Variants in ARHGAP29 observed in about 807,000 individuals in gnomAD.
ARHGAP29 encodes Rho GTPase activating protein 29, also known as rho GTPase-activating protein 29.
In ARHGAP29, 43 loss-of-function variants were observed where a neutral mutation model predicts 122.6. The observed-to-expected ratio is 0.35, with a 90% CI of 0.27 to 0.45. The LOEUF is 0.45. Ranked by LOEUF, ARHGAP29 falls within the 20% of genes least tolerant of loss-of-function variation. The pLI is 1.00. For synonymous variants in ARHGAP29, 506 were observed against 497.1 expected (o/e 1.02, Z -0.24); for missense variants, 1,303 against 1,477.2 (o/e 0.88, Z 1.93).
the ARHGAP29 span, among the ~76,000 whole-genome samples, chr1:94,295,188 T>G: frequency 2.0e-5 from 3 of 152,202 alleles, no homozygotes; most frequent in Non-Finnish European, 2.9e-5. Flanking sequence ...TTGTGTCTGG[T>G]CTACCTTCAT....
At chr1:94,178,286 A>G (rs558512756) in intron 20 of ARHGAP29, 119 bp from the exon 21 acceptor site, 4 of 914,032 alleles carry the variant, frequency 4.4e-6, no homozygotes, top group Admixed American at 2.7e-5. Flanking sequence ...ACTAGGGGGA[A>G]AAAGTCTAGG....
intron 19 of ARHGAP29, among the ~76,000 whole-genome samples, chr1:94,181,542 TG>T (rs1649461079): frequency 6.6e-6 from 1 of 152,174 alleles, no homozygotes; most frequent in African/African-American, 2.4e-5. Context: ...GACCCTTCTC[TG>T]GAGTATCAAA....
Position 94,177,843 on chromosome 1 carries a change from C to A in ARHGAP29, c.2796+9G>T. On this transcript the variant is annotated intron_variant, in intron 21 of 22. Transcript: ENST00000260526. ...AGTTCTAATATAATTCTATAAAGGT[C>A]AAACTCACTTCCTTTGAAGAAAAAA... The A allele has an allele frequency of 6.2e-7, 1 of 1,600,712 alleles. No individual in the cohort carries two copies. The highest frequency in any genetic ancestry group is 1.1e-5 in the South Asian group (1 of 88,166).
At chr1:94,188,751 C>T (rs1366170126) in intron 15 of ARHGAP29, 86 bp downstream of exon 15, 1 of 1,115,060 alleles carries the variant, frequency 9.0e-7, no homozygotes, top group Admixed American at 2.1e-5. Flanking sequence ...TGAAAGTTCA[C>T]TATAAAAACA....
chr1:94,286,539 A>G, the ARHGAP29 span, among the ~76,000 whole-genome samples: 1 of 152,072 alleles, frequency 6.6e-6, no homozygotes, highest in Admixed American at 6.6e-5. Flanking sequence ...GTGGTGATGC[A>G]CAACTGTAGT....
At chr1:94,175,331 C>T (rs960856110) in intron 22 of ARHGAP29, among the ~76,000 whole-genome samples, 3 of 152,212 alleles carry the variant, frequency 2.0e-5, no homozygotes, top group Non-Finnish European at 2.9e-5. Context: ...CACCTGCTCC[C>T]GGATTTTCTT....
At chr1:94,277,257 T>C (rs1015260361), upstream of ARHGAP29, among the ~76,000 whole-genome samples, 2 of 152,190 alleles carry the variant, frequency 1.3e-5, no homozygotes, top group African/African-American at 2.4e-5. Flanking sequence ...GAAGATCTTG[T>C]TCCTAGGAAA....
intron 1 of ARHGAP29, among the ~76,000 whole-genome samples, chr1:94,243,981 A>T (rs532973047): frequency 1.3e-5 from 2 of 152,180 alleles, no homozygotes; most frequent in East Asian, 3.9e-4. Context: ...GACACAAGAA[A>T]CAGAAAATGT....
intron 1 of ARHGAP29, among the ~76,000 whole-genome samples, chr1:94,272,958 A>C (rs2100735797): frequency 6.6e-6 from 1 of 152,330 alleles, no homozygotes; most frequent in African/African-American, 2.4e-5. Flanking sequence ...ACAGATTCTA[A>C]CTTAGCATGT....
chr1:94,298,688 T>C, the ARHGAP29 span, among the ~76,000 whole-genome samples: 4 of 152,198 alleles, frequency 2.6e-5, no homozygotes, highest in Non-Finnish European at 5.9e-5. Context: ...TTCTTATGGT[T>C]AAGGACCTAT....
chr1:94,287,490 T>A, the ARHGAP29 span, among the ~76,000 whole-genome samples: 1 of 151,982 alleles, frequency 6.6e-6, no homozygotes, highest in Non-Finnish European at 1.5e-5. Context: ...CAATTAAACC[T>A]CTTTTACTAT....
At chr1:94,184,666 G>T (rs922240058) in intron 18 of ARHGAP29, among the ~76,000 whole-genome samples, 2 of 151,814 alleles carry the variant, frequency 1.3e-5, no homozygotes, top group African/African-American at 4.8e-5. Flanking sequence ...AAGTGGGAGG[G>T]TTGCTTGAGC....
the ARHGAP29 span, among the ~76,000 whole-genome samples, chr1:94,297,740 T>C: frequency 6.6e-6 from 1 of 152,170 alleles, no homozygotes; most frequent in African/African-American, 2.4e-5. Flanking sequence ...TTGGGGGTTC[T>C]TGTTGGGAAT....
rs1334487446 is a variant in ARHGAP29 at position 94,172,495 on chromosome 1, G to A, written c.*1374C>T. 3 of 151,824 alleles carry A rather than the reference G, an allele frequency of 2.0e-5. No homozygotes were observed. The highest frequency in any genetic ancestry group is 2.1e-4 in the South Asian group (1 of 4,812). The allele number at this position is 151,824 out of a possible 1,614,324, so 9.4% of individuals were successfully genotyped here. On this transcript the variant is annotated 3_prime_UTR_variant, in exon 23 of 23. Coordinates refer to ENST00000260526, the MANE Select transcript of ARHGAP29 (RefSeq NM_004815.4). ...AAATTCATTCCACATTGTAGTCAAC[G>A]GATGTATGATCCTAGGTGTTGACTT...
chr1:94,179,612 AAAAAAAG>A, intron 20 of ARHGAP29, 106 bp downstream of exon 20: 1 of 643,176 alleles, frequency 1.6e-6, no homozygotes, highest in Non-Finnish European at 2.4e-6. Flanking sequence ...AAAAAAAAAA[AAAAAAAG>A]AATGGCTAAG....
At chr1:94,298,272 T>C in the ARHGAP29 span, among the ~76,000 whole-genome samples, 1 of 152,212 alleles carries the variant, frequency 6.6e-6, no homozygotes. Context: ...GTGCATTTAA[T>C]TTTTTTCTAT....
chr1:94,201,741 C>T lies in ARHGAP29; in HGVS notation c.1260G>A (p.Gln420=). 1 of 1,613,784 alleles carries T rather than the reference C, an allele frequency of 6.2e-7. No homozygotes were observed. Among genetic ancestry groups the T allele is most frequent in the Non-Finnish European group, 8.5e-7 (1 of 1,179,922 alleles). Reference sequence around the variant, plus strand: ...TTACAGCTTTAAGGGTAAGATCACACTGGAAAACAAGTGTCCGGAGTTGTG... The same window carrying T: ...TTACAGCTTTAAGGGTAAGATCACATTGGAAAACAAGTGTCCGGAGTTGTG... The part of the protein sequence containing the change: ...ILAQLRTLVF[Q]CDLTLKAVTV... Residue 420 remains glutamine, a synonymous_variant, in exon 12 of 23, where the codon CAG becomes CAA. Transcript: ENST00000260526.
the ARHGAP29 span, among the ~76,000 whole-genome samples, chr1:94,289,644 T>A: frequency 1.1e-4 from 16 of 152,364 alleles, 3 homozygotes; most frequent in South Asian, 3.3e-3. Context: ...TAAATAGCTC[T>A]TATTATTTTG....
chr1:94,189,852 C>G (rs952313083), intron 13 of ARHGAP29, 74 bp downstream of exon 13: 1 of 1,469,564 alleles, frequency 6.8e-7, no homozygotes. Flanking sequence ...AAGTCTCCTC[C>G]TTGTACTAGA....
Sources: gnomAD v4.1 joint callset for allele counts (sites outside exome capture counted in the v4.1 genomes callset) on GRCh38, gnomAD v4.1.1 for gene constraint, MANE v1.5 for transcripts, NCBI Gene and HGNC (gene_info 2026-07-23, HGNC 2026-07-21) for gene names.